TNPO1: variants seen among roughly 807,000 people sequenced by gnomAD.
The protein encoded by TNPO1 is transportin-1.
In TNPO1, 8 loss-of-function variants were observed where a neutral mutation model predicts 119.5. The ratio of observed to expected loss-of-function variants is 0.07; its 90% CI spans 0.04 to 0.12. The LOEUF is 0.12. TNPO1 is among the 10% of genes least tolerant of loss of function. The pLI, the probability that TNPO1 is intolerant of heterozygous loss-of-function variation, is 1.00. For missense variants in TNPO1, 576 were observed against 1,089.8 expected, an observed-to-expected ratio of 0.53 and a Z score of 6.64; for synonymous variants, 362 against 363.0, an observed-to-expected ratio of 1.00 and a Z score of 0.03.
chr5:72,824,903 A>G (rs937318621), intron 1 of TNPO1, among the ~76,000 whole-genome samples: 1 of 152,044 alleles, frequency 6.6e-6, no homozygotes, highest in Non-Finnish European at 1.5e-5. Context: ...CTAAACTCCT[A>G]AACTTTCTCC....
intron 6 of TNPO1, among the ~76,000 whole-genome samples, chr5:72,870,909 A>G (rs1747344229): frequency 6.6e-6 from 1 of 152,168 alleles, no homozygotes; most frequent in South Asian, 2.1e-4. Flanking sequence ...CATATATATT[A>G]GCTCATGTAG....
chr5:72,828,821 A>G (rs1159077150), intron 1 of TNPO1, among the ~76,000 whole-genome samples: 1 of 152,134 alleles, frequency 6.6e-6, no homozygotes, highest in African/African-American at 2.4e-5. Context: ...AATGATCGTT[A>G]TATCAGAAGG....
intron 10 of TNPO1, 139 bp from the exon 11 acceptor site, chr5:72,882,925 G>A (rs986119914): frequency 1.6e-5 from 11 of 680,042 alleles, no homozygotes; most frequent in Middle Eastern, 4.2e-4. Context: ...GTACATGGGC[G>A]TGGTTCTTAA....
In TNPO1 at chr5:72,851,273, C is replaced by G. The variant is rs1745529222; in HGVS notation, c.159C>G (p.Asp53Glu). ...QKLEQLNQYP[D>E]FNNYLIFVLT... is the part of the protein sequence containing the mutation. ...TGGAACAACTTAATCAGTATCCAGACTTTAACAACTACTTGATTTTTGTTC... is the reference window on the plus strand; with the variant it reads ...TGGAACAACTTAATCAGTATCCAGAGTTTAACAACTACTTGATTTTTGTTC... The change falls in exon 3 of 25, where the codon GAC becomes GAG. Residue 53 changes from aspartate (D) to glutamate (E), a missense_variant. By Grantham distance (45) the Asp-to-Glu change is conservative (BLOSUM62 2). This residue lies in a region of TNPO1 where 57 missense variants were observed against 59.5 expected (regional missense o/e 0.96). Transcript: ENST00000337273. 6.2e-7 allele frequency: 1 copy of G among 1,602,104 alleles called. No homozygotes were observed. The highest frequency in any genetic ancestry group is 8.5e-7 in the Non-Finnish European group (1 of 1,171,494).
chr5:72,901,371 GTCC>G (rs1749785983), intron 22 of TNPO1, among the ~76,000 whole-genome samples: 1 of 151,450 alleles, frequency 6.6e-6, no homozygotes, highest in South Asian at 2.1e-4. Flanking sequence ...TATTTACTTT[GTCC>G]CTGCCTCCCA....
Position 72,872,693 on chromosome 5 carries a change from A to T in TNPO1, c.651A>T (p.Leu217=). ...TTATCATCAGTAGGACTCAAGCTCTAATGTTGCACATTGATTCTTTTATTG... is the reference window on the plus strand; with the variant it reads ...TTATCATCAGTAGGACTCAAGCTCTTATGTTGCACATTGATTCTTTTATTG... ...NQFIISRTQA[L]MLHIDSFIEN... Residue 217 remains leucine, a synonymous_variant, in exon 7 of 25, where the codon CTA becomes CTT. Transcript: ENST00000337273. 6.2e-7 allele frequency: 1 copy of T among 1,609,454 alleles called. No individual in the cohort carries two copies. The highest frequency in any genetic ancestry group is 8.5e-7 in the Non-Finnish European group (1 of 1,177,864).
At chr5:72,819,910 A>G (rs1743879036) in intron 1 of TNPO1, among the ~76,000 whole-genome samples, 2 of 152,242 alleles carry the variant, frequency 1.3e-5, no homozygotes, top group Non-Finnish European at 1.5e-5. Context: ...TAACTTTTCT[A>G]TAAATAATAA....
intron 2 of TNPO1, among the ~76,000 whole-genome samples, chr5:72,848,782 CG>C (rs1236800093): frequency 3.4e-4 from 50 of 148,270 alleles, no homozygotes; most frequent in African/African-American, 1.2e-3. Context: ...GGCCGCCGCC[CG>C]GGATCGCGAC....
intron 15 of TNPO1, 98 bp downstream of exon 15, chr5:72,891,994 C>A: frequency 1.1e-6 from 1 of 873,012 alleles, no homozygotes; most frequent in Non-Finnish European, 1.8e-6. Context: ...AATTTATATT[C>A]TGAAGTAGAC....
chr5:72,848,195 A>T (rs1745230481), intron 1 of TNPO1, 190 bp from the exon 2 acceptor site: 4 of 1,225,416 alleles, frequency 3.3e-6, no homozygotes, highest in African/African-American at 3.2e-5. Context: ...CCGGGCTGCC[A>T]GGAGCAGTTC....
intron 3 of TNPO1, among the ~76,000 whole-genome samples, chr5:72,852,302 G>A (rs1745642425): frequency 6.6e-6 from 1 of 152,130 alleles, no homozygotes; most frequent in African/African-American, 2.4e-5. Flanking sequence ...CATCCCACTA[G>A]ACATTATTTC....
rs2112535890 is a variant in TNPO1, at chr5:72,913,319, C to T, written c.*4646C>T. 6.6e-6 allele frequency: 1 copy of T among 152,540 alleles called. No individual in the cohort carries two copies. Among genetic ancestry groups the T allele is most frequent in the East Asian group, 1.9e-4 (1 of 5,194 alleles). 9.4% of individuals were successfully genotyped at this position (152,540 alleles called of 1,614,324 possible). On this transcript the variant is annotated 3_prime_UTR_variant, in exon 25 of 25. Transcript: ENST00000337273. ...TTTTCAATCTTACATAGATCTTTCACCCATTAGCATTACTTACGTAGATAA... is the reference window on the plus strand; with the variant it reads ...TTTTCAATCTTACATAGATCTTTCATCCATTAGCATTACTTACGTAGATAA...
chr5:72,862,893 C>T (rs1208201177), intron 5 of TNPO1, among the ~76,000 whole-genome samples: 2 of 152,082 alleles, frequency 1.3e-5, no homozygotes, highest in Admixed American at 6.6e-5. Context: ...AATGATCCAC[C>T]TGTCTCAACC....
At chr5:72,844,793 C>T (rs1745058627) in intron 1 of TNPO1, among the ~76,000 whole-genome samples, 1 of 152,136 alleles carries the variant, frequency 6.6e-6, no homozygotes. Flanking sequence ...CTCCAGTCTG[C>T]TTTTTAAACT....
In TNPO1 at chr5:72,867,279, A is replaced by G. The variant is rs143570201; in HGVS notation, c.596+1550A>G. The stretch of plus-strand genomic sequence containing the variant: ...ATGTATATTTGGGTAATAACTATCT[A>G]CTGTAAATATATACTAAATGTATCA... On this transcript the variant is annotated intron_variant, in intron 6 of 24. Coordinates refer to ENST00000337273, the MANE Select transcript of TNPO1 (RefSeq NM_002270.4). 2.0e-3 allele frequency among the ~76,000 whole-genome samples: 302 copies of G among 152,272 alleles called. 2 individuals are homozygous for G. Among genetic ancestry groups the G allele is most frequent in the African/African-American group, 7.0e-3 (292 of 41,568 alleles).
At chr5:72,895,354 C>CT (rs34306580) in intron 18 of TNPO1, among the ~76,000 whole-genome samples, 29 of 145,040 alleles carry the variant, frequency 2.0e-4, no homozygotes, top group African/African-American at 5.9e-4. Flanking sequence ...GTTGTCCCTC[C>CT]TTTTTTTTTT....
chr5:72,856,285 A>G (rs930228008), intron 4 of TNPO1, among the ~76,000 whole-genome samples: 1 of 152,060 alleles, frequency 6.6e-6, no homozygotes, highest in Non-Finnish European at 1.5e-5. Flanking sequence ...AGGCTGGGGT[A>G]CAGTGGCACA....
At chr5:72,832,466 C>T (rs901513127) in intron 1 of TNPO1, among the ~76,000 whole-genome samples, 6 of 152,090 alleles carry the variant, frequency 3.9e-5, no homozygotes, top group African/African-American at 1.4e-4. Context: ...TTTAGGAGCT[C>T]TCTTTTATGC....
chr5:72,860,035 A>G lies in TNPO1; in HGVS notation c.356-1773A>G, dbSNP rs577047693. On this transcript the variant is annotated intron_variant, in intron 4 of 24. Transcript: ENST00000337273. ...AGGGCTATATCTTGAAAATGCTATC[A>G]GTACATTAATTCTTACTATACAATT... Among the ~76,000 whole-genome samples the G allele has an allele frequency of 5.9e-5, 9 of 152,304 alleles. No homozygotes were observed. The South Asian group carries it at 1.9e-3, about 32-fold the overall frequency.
Sources: gnomAD v4.1 joint callset for allele counts (sites outside exome capture counted in the v4.1 genomes callset) on GRCh38, gnomAD v4.1.1 for gene constraint, gnomAD v4.1.1 regional missense constraint, MANE v1.5 for transcripts, NCBI Gene and HGNC (gene_info 2026-07-23, HGNC 2026-07-21) for gene names.